The following MAGEA11 variants were observed in gnomAD, a reference collection of about 807,000 sequenced individuals.
MAGEA11 encodes the protein MAGE family member A11, also known as melanoma-associated antigen 11.
MAGEA11 carries 1 observed loss-of-function variant against 8.4 expected under a neutral mutation model. The ratio of observed to expected loss-of-function variants is 0.12; its 90% CI spans 0.04 to 0.57. The LOEUF is 0.57. Ranked by LOEUF, MAGEA11 falls within the 20% of genes least tolerant of loss-of-function variation. The probability of loss-of-function intolerance (pLI) is 0.91; values close to 1 mark genes in which losing one functional copy is unlikely to be tolerated. For synonymous variants in MAGEA11, 127 were observed against 119.3 expected (o/e 1.06, Z -0.42); for missense variants, 209 against 317.3 (o/e 0.66, Z 2.59).
intron 1 of MAGEA11, among the ~76,000 whole-genome samples, chrX:149,696,237 G>A (rs1413003796): frequency 9.1e-6 from 1 of 109,611 alleles, no homozygotes; most frequent in Non-Finnish European, 1.9e-5. Context: ...TGGAAGAGGA[G>A]AGAAAGGTGA....
Position 149,703,970 on chromosome X carries a change from G to A in MAGEA11, c.10-10511G>A, listed in dbSNP as rs782786246. On this transcript the variant is annotated intron_variant, in intron 1 of 3. Transcript: ENST00000333104. The stretch of plus-strand genomic sequence containing the variant: ...ATACTTGATGTATGGGCTTATAAGC[G>A]ACAGAGCTAATATTCAAACTTACTT... 8.6e-4 allele frequency among the ~76,000 whole-genome samples: 96 copies of A among 112,127 alleles called. 1 individual carries two copies. Among genetic ancestry groups the A allele is most frequent in the Non-Finnish European group, 8.3e-4 (44 of 53,199 alleles).
intron 1 of MAGEA11, among the ~76,000 whole-genome samples, chrX:149,698,800 G>A (rs781995125): frequency 9.0e-6 from 1 of 110,552 alleles, no homozygotes; most frequent in Non-Finnish European, 1.9e-5. Flanking sequence ...CCCATTGTAT[G>A]TTGTTCCCCT....
In MAGEA11 at chrX:149,704,830, C is replaced by T. The variant is rs140325376; in HGVS notation, c.10-9651C>T. Among the ~76,000 whole-genome samples the T allele has an allele frequency of 5.7e-4, 64 of 112,556 alleles. No individual in the cohort carries two copies. The East Asian group carries it at 0.014, about 25-fold the overall frequency. ...GATTAGATGACTCAACAATTTCCTT[C>T]GAGCCAACTCCACTGAGCAGGCTGG... is the stretch of plus-strand genomic sequence containing the variant. On this transcript the variant is annotated intron_variant, in intron 1 of 3. Coordinates refer to the MAGEA11 transcript ENST00000333104.
chrX:149,691,946 T>G (rs1602918901), intron 1 of MAGEA11, among the ~76,000 whole-genome samples: 1 of 112,698 alleles, frequency 8.9e-6, no homozygotes, highest in Non-Finnish European at 1.9e-5. Context: ...AAGATAAACT[T>G]AGAAAAATTA....
chrX:149,703,387 G>A (rs2090362310), intron 1 of MAGEA11, among the ~76,000 whole-genome samples: 2 of 112,232 alleles, frequency 1.8e-5, no homozygotes, highest in African/African-American at 6.5e-5. Context: ...TTGGAATGTG[G>A]CTCTAGTACT....
At chrX:149,705,429 G>A (rs914686723) in intron 1 of MAGEA11, among the ~76,000 whole-genome samples, 36 of 111,944 alleles carry the variant, frequency 3.2e-4, no homozygotes, top group Non-Finnish European at 5.8e-4. Context: ...TTTGCCTTCC[G>A]CCATCATTGT....
intron 1 of MAGEA11, among the ~76,000 whole-genome samples, chrX:149,700,706 C>A (rs1557360931): frequency 1.1e-5 from 1 of 92,591 alleles, no homozygotes; most frequent in African/African-American, 3.9e-5. Context: ...CTAAAGCTAT[C>A]CCTCCCCCCT....
intron 3 of MAGEA11, among the ~76,000 whole-genome samples, chrX:149,714,951 T>A (rs782161484): frequency 2.1e-3 from 229 of 110,187 alleles, no homozygotes; most frequent in African/African-American, 6.9e-3. Context: ...AGAGCTTTGG[T>A]TTAAGGAGAT....
At chrX:149,715,377 G>T (rs1602942203) in intron 3 of MAGEA11, among the ~76,000 whole-genome samples, 1 of 111,918 alleles carries the variant, frequency 8.9e-6, no homozygotes, top group South Asian at 3.8e-4. Context: ...AAACTGAGCA[G>T]TGAGGCCTTG....
At chrX:149,701,849 T>C (rs1316475986) in intron 1 of MAGEA11, among the ~76,000 whole-genome samples, 1 of 111,773 alleles carries the variant, frequency 8.9e-6, no homozygotes, top group African/African-American at 3.3e-5. Flanking sequence ...CTTGTTTTTC[T>C]CAGGTTTGTC....
chrX:149,705,474 A>T (rs1557361389), intron 1 of MAGEA11, among the ~76,000 whole-genome samples: 1 of 112,522 alleles, frequency 8.9e-6, no homozygotes, highest in African/African-American at 3.2e-5. Flanking sequence ...TGTAAGTCCA[A>T]TTAAACCCCT....
At chrX:149,700,044 G>A (rs2090345310) in intron 1 of MAGEA11, among the ~76,000 whole-genome samples, 1 of 111,948 alleles carries the variant, frequency 8.9e-6, no homozygotes, top group Admixed American at 9.4e-5. Context: ...CAGCATGGGG[G>A]GACCCTCCCC....
In MAGEA11 at chrX:149,715,672, A is replaced by G; in HGVS notation, c.261A>G (p.Glu87=). 8.3e-7 allele frequency: 1 copy of G among 1,205,178 alleles called. No homozygotes were observed. The highest frequency in any genetic ancestry group is 1.1e-6 in the Non-Finnish European group (1 of 889,716). Residue 87 remains glutamate (E), a synonymous_variant, in exon 4 of 5, where the codon GAA becomes GAG. Coordinates refer to ENST00000355220, the MANE Select transcript of MAGEA11 (RefSeq NM_005366.5). ...PRRTQRITGG[E]QVLWGPITQI... ...GAACCCAGAGGATCACTGGAGGAGA[A>G]CAAGTGTAAGTAGGCCTTTGTTAGA...
At position 149,716,725 on chromosome X, in the gene MAGEA11, T is replaced by C; in HGVS notation, c.1239T>C (p.Ser413=). The change falls in exon 5 of 5, where the codon TCT becomes TCC. Residue 413 remains serine, a synonymous_variant. Coordinates refer to ENST00000355220, the MANE Select transcript of MAGEA11 (RefSeq NM_005366.5). ...ATGCCAATGGGAGGGATCCCACTTC[T>C]TACCCATCCCTGTATGAAGATGCTT... The part of the protein sequence containing the change: ...IANANGRDPT[S]YPSLYEDALR... 8.3e-7 allele frequency: 1 copy of C among 1,207,676 alleles called. No individual in the cohort carries two copies. The highest frequency in any genetic ancestry group is 1.7e-5 in the African/African-American group (1 of 57,789).
At chrX:149,714,407 G>A in intron 2 of MAGEA11, 74 bp from the exon 3 acceptor site, 3 of 1,170,529 alleles carry the variant, frequency 2.6e-6, no homozygotes, top group Non-Finnish European at 3.4e-6. Flanking sequence ...AGCCTCTGCT[G>A]TCAGCCCTGG....
Position 149,715,933 on chromosome X carries a change from C to T in MAGEA11, c.447C>T (p.Ala149=). The change falls in exon 5 of 5, where the codon GCC becomes GCT. Residue 149 remains alanine, a synonymous_variant. Transcript: ENST00000355220. The part of the protein sequence containing the change: ...QALQAEEQEA[A]FFSSTLNVGT... Reference sequence around the variant, plus strand: ...TCCAAGCTGAGGAGCAGGAGGCTGCCTTCTTCTCCTCTACTCTGAATGTGG... The same window carrying T: ...TCCAAGCTGAGGAGCAGGAGGCTGCTTTCTTCTCCTCTACTCTGAATGTGG... The T allele has an allele frequency of 8.3e-7, 1 of 1,211,663 alleles. No homozygotes were observed. The highest frequency in any genetic ancestry group is 1.8e-5 in the South Asian group (1 of 56,975).
intron 1 of MAGEA11, among the ~76,000 whole-genome samples, chrX:149,697,075 A>G (rs1480814121): frequency 9.0e-6 from 1 of 110,762 alleles, no homozygotes; most frequent in Non-Finnish European, 1.9e-5. Context: ...CTCCACTTCA[A>G]TGGGCCCCAC....
chrX:149,704,126 AGTG>A (rs2090365841), intron 1 of MAGEA11, among the ~76,000 whole-genome samples: 1 of 112,121 alleles, frequency 8.9e-6, no homozygotes, highest in Admixed American at 9.5e-5. Context: ...AAAGGAGCCA[AGTG>A]GTGGTGCCAG....
intron 1 of MAGEA11, among the ~76,000 whole-genome samples, chrX:149,701,393 A>C (rs369722649): frequency 9.1e-6 from 1 of 109,971 alleles, no homozygotes; most frequent in Non-Finnish European, 1.9e-5. Flanking sequence ...CATATCCTTC[A>C]CCCACTTTTT....
Sources: allele counts gnomAD v4.1 joint callset (sites outside exome capture counted in the v4.1 genomes callset), GRCh38; gene constraint gnomAD v4.1.1; transcripts MANE v1.5; gene names NCBI Gene and HGNC (gene_info 2026-07-23, HGNC 2026-07-21).